Variants in EMCN observed in about 807,000 individuals in gnomAD.
EMCN encodes the protein MUC-14.
In EMCN, 37 loss-of-function variants were observed where a neutral mutation model predicts 38.4. The ratio of observed to expected loss-of-function variants is 0.96; its 90% CI spans 0.74 to 1.27. EMCN has a LOEUF of 1.27. EMCN is among the 50% of genes most tolerant of loss of function. The pLI is 0.00. For synonymous variants in EMCN, 95 were observed against 100.8 expected (o/e 0.94, Z 0.35); for missense variants, 318 against 302.8 (o/e 1.05, Z -0.37).
intron 5 of EMCN, among the ~76,000 whole-genome samples, chr4:100,429,830 T>G (rs980333860): frequency 6.6e-6 from 1 of 152,138 alleles, no homozygotes; most frequent in Non-Finnish European, 1.5e-5. Flanking sequence ...AATCCTGTGT[T>G]TTAAAGATGA....
chr4:100,513,476 T>C (rs1042205868), intron 1 of EMCN, among the ~76,000 whole-genome samples: 2 of 152,194 alleles, frequency 1.3e-5, no homozygotes, highest in Non-Finnish European at 2.9e-5. Context: ...TTTGTATTTT[T>C]GAGAAGTTGG....
At chr4:100,510,769 C>T (rs988475386) in intron 1 of EMCN, among the ~76,000 whole-genome samples, 7 of 152,192 alleles carry the variant, frequency 4.6e-5, no homozygotes, top group Admixed American at 1.3e-4. Flanking sequence ...TGAACTCAGA[C>T]AATCTGTCTC....
At position 100,415,948 on chromosome 4, in the gene EMCN, T is replaced by A. The variant is rs996648821; in HGVS notation, c.701A>T (p.Asp234Val). 6.3e-7 allele frequency: 1 copy of A among 1,594,126 alleles called. No individual in the cohort carries two copies. The highest frequency in any genetic ancestry group is 8.5e-7 in the Non-Finnish European group (1 of 1,171,590). The part of the protein sequence containing the change: ...PENGNDQPQS[D>V]KESVKLLTVK... Reference sequence around the variant, plus strand: ...GGTAAGAAGCTTCACGCTCTCTTTATCAGACTGAGGTCTATTTGAAAAAAA... The same window carrying A: ...GGTAAGAAGCTTCACGCTCTCTTTAACAGACTGAGGTCTATTTGAAAAAAA... The change falls in exon 10 of 12, where the codon GAT (aspartate) becomes GTT (valine). Residue 234 changes from aspartate to valine, a missense_variant. Coordinates refer to ENST00000296420, the MANE Select transcript of EMCN (RefSeq NM_016242.4).
chr4:100,496,759 C>T (rs541865690), intron 1 of EMCN, among the ~76,000 whole-genome samples: 1 of 152,174 alleles, frequency 6.6e-6, no homozygotes, highest in South Asian at 2.1e-4. Context: ...AATTAAAAAC[C>T]AGACGCAGAT....
rs1248134599 is a variant in EMCN, at chr4:100,421,275, T to C, written c.664+7A>G. ...TCAGGAAAACAAAACAAAACACTGT[T>C]ACCTACCCGGATCTGCCTTCCAGCA... On this transcript the variant is annotated splice_region_variant and intron_variant, in intron 8 of 11. Transcript: ENST00000296420. 5 of 1,610,930 alleles carry C rather than the reference T, an allele frequency of 3.1e-6. No homozygotes were observed. The highest frequency in any genetic ancestry group is 3.4e-6 in the Non-Finnish European group (4 of 1,177,530).
chr4:100,416,672 A>C (rs1272912406), intron 9 of EMCN, among the ~76,000 whole-genome samples: 1 of 152,164 alleles, frequency 6.6e-6, no homozygotes, highest in African/African-American at 2.4e-5. Context: ...TCTTTGCAGC[A>C]CCTTGGTTGT....
intron 1 of EMCN, among the ~76,000 whole-genome samples, chr4:100,481,855 TTCC>T (rs1242215205): frequency 2.0e-5 from 3 of 151,594 alleles, no homozygotes; most frequent in Non-Finnish European, 2.9e-5. Flanking sequence ...CCTTCCTTCC[TTCC>T]TTTCTTCCTT....
intron 8 of EMCN, among the ~76,000 whole-genome samples, chr4:100,420,846 T>C (rs1309616592): frequency 8.6e-5 from 13 of 152,034 alleles, no homozygotes; most frequent in Admixed American, 6.6e-4. Flanking sequence ...ATACTTTCGT[T>C]GGGTGTGTCT....
intron 1 of EMCN, among the ~76,000 whole-genome samples, chr4:100,507,600 G>A (rs939122734): frequency 2.6e-5 from 4 of 152,088 alleles, no homozygotes; most frequent in Non-Finnish European, 4.4e-5. Context: ...TGGCTAGAGG[G>A]CCTGTGCAGA....
intron 1 of EMCN, among the ~76,000 whole-genome samples, chr4:100,488,299 T>C (rs191647549): frequency 6.6e-6 from 1 of 152,326 alleles, no homozygotes; most frequent in East Asian, 1.9e-4. Flanking sequence ...ACATAATTGG[T>C]CTATGGAGTT....
intron 5 of EMCN, among the ~76,000 whole-genome samples, chr4:100,444,258 C>A (rs1479755042): frequency 1.3e-5 from 2 of 152,174 alleles, no homozygotes; most frequent in Admixed American, 1.3e-4. Flanking sequence ...ATCTGTCTGG[C>A]CCCAGAAATC....
At chr4:100,419,513 T>C (rs1216278817) in intron 8 of EMCN, among the ~76,000 whole-genome samples, 1 of 152,160 alleles carries the variant, frequency 6.6e-6, no homozygotes, top group African/African-American at 2.4e-5. Context: ...ACCGCTTTAA[T>C]AGAAAAGGTC....
intron 1 of EMCN, among the ~76,000 whole-genome samples, chr4:100,488,087 CTG>C (rs1186579776): frequency 5.3e-5 from 8 of 152,148 alleles, no homozygotes; most frequent in Non-Finnish European, 8.8e-5. Flanking sequence ...CATTAGCTAA[CTG>C]TGTAACTGTG....
chr4:100,509,259 A>AT lies in EMCN; in HGVS notation c.64+8591dup, dbSNP rs769140270. On this transcript the variant is annotated intron_variant, in intron 1 of 11. Transcript: ENST00000296420. ...TATACCTTAAGAATTTTAAACTTTA[A>AT]TTGATATAAAACTTGTACCCAACAA... 8.6e-4 allele frequency among the ~76,000 whole-genome samples: 131 copies of AT among 152,334 alleles called. 1 individual carries two copies. The highest frequency in any genetic ancestry group is 3.4e-3 in the Middle Eastern group (1 of 294).
intron 1 of EMCN, among the ~76,000 whole-genome samples, chr4:100,510,925 C>T (rs1329826013): frequency 6.6e-6 from 1 of 152,152 alleles, no homozygotes; most frequent in Non-Finnish European, 1.5e-5. Flanking sequence ...ATAACAATGA[C>T]TGGTAGGCAA....
At chr4:100,497,666 G>A (rs1046817139) in intron 1 of EMCN, among the ~76,000 whole-genome samples, 2 of 152,096 alleles carry the variant, frequency 1.3e-5, no homozygotes, top group Non-Finnish European at 2.9e-5. Flanking sequence ...GTGAGCCACC[G>A]CTCCAGGCCC....
chr4:100,501,574 C>T (rs1729350688), intron 1 of EMCN, among the ~76,000 whole-genome samples: 1 of 152,062 alleles, frequency 6.6e-6, no homozygotes, highest in African/African-American at 2.4e-5. Flanking sequence ...CAGTTTTATA[C>T]AAAATTATAA....
intron 1 of EMCN, among the ~76,000 whole-genome samples, chr4:100,502,514 T>A (rs550923374): frequency 5.9e-5 from 9 of 152,216 alleles, no homozygotes; most frequent in Non-Finnish European, 1.3e-4. Context: ...AACTCCTATA[T>A]CAATGTCCTA....
At chr4:100,475,659 C>CTGTTTTTT (rs1560631485) in intron 2 of EMCN, among the ~76,000 whole-genome samples, 1 of 60,314 alleles carries the variant, frequency 1.7e-5, no homozygotes, top group Non-Finnish European at 2.8e-5. Context: ...AATTCTAGTC[C>CTGTTTTTT]TTTTTTTTTT....
Sources: gnomAD v4.1 joint callset for allele counts (sites outside exome capture counted in the v4.1 genomes callset) on GRCh38, gnomAD v4.1.1 for gene constraint, MANE v1.5 for transcripts, NCBI Gene and HGNC (gene_info 2026-07-23, HGNC 2026-07-21) for gene names.